The following IL1RAPL1 variants were observed in gnomAD, a reference collection of about 807,000 sequenced individuals.
IL1RAPL1 encodes the protein interleukin 1 receptor accessory protein like 1.
In IL1RAPL1, 3 loss-of-function variants were observed where a neutral mutation model predicts 48.4. That is an observed-to-expected ratio of 0.06 (90% CI 0.03 to 0.16). The LOEUF is 0.16. Among genes scored for constraint, IL1RAPL1 ranks in the 10% least tolerant of loss-of-function variants. The pLI, the probability that IL1RAPL1 is intolerant of heterozygous loss-of-function variation, is 1.00. For synonymous variants in IL1RAPL1, 185 were observed against 187.7 expected (o/e 0.99, Z 0.12); for missense variants, 349 against 530.6 (o/e 0.66, Z 3.36).
Position 29,946,409 on chromosome X carries a change from G to T in IL1RAPL1, c.1201+4615G>T, listed in dbSNP as rs1379690139. Among the ~76,000 whole-genome samples the T allele has an allele frequency of 2.8e-5, 3 of 108,754 alleles. No individual in the cohort carries two copies. In the Admixed American group the frequency reaches 3.0e-4, roughly 11 times the overall value. The allele number at this position is 108,754 out of a possible 115,157, so 94.4% of individuals were successfully genotyped here. On this transcript the variant is annotated intron_variant, in intron 9 of 10. Coordinates refer to ENST00000378993, the MANE Select transcript of IL1RAPL1 (RefSeq NM_014271.4). The stretch of plus-strand genomic sequence containing the variant: ...TAGTCTTTGTAATAACACAGCTATT[G>T]AGAATGAACCTAAGACAATGTAATC...
chrX:29,578,464 T>C (rs1244682067), intron 5 of IL1RAPL1, among the ~76,000 whole-genome samples: 1 of 111,920 alleles, frequency 8.9e-6, no homozygotes, highest in Non-Finnish European at 1.9e-5. Context: ...TTCTACACTT[T>C]TGAACTATTT....
chrX:28,666,888 C>T (rs181825990), intron 1 of IL1RAPL1, among the ~76,000 whole-genome samples: 64 of 111,669 alleles, frequency 5.7e-4, no homozygotes, highest in African/African-American at 2.0e-3. Flanking sequence ...GACTTAATTG[C>T]ACCACGTATT....
chrX:28,768,743 C>T (rs868130676), intron 1 of IL1RAPL1, among the ~76,000 whole-genome samples: 1 of 69,429 alleles, frequency 1.4e-5, no homozygotes, highest in African/African-American at 5.8e-5. Context: ...CTCTCTCTCT[C>T]TCTCTCTCTC....
chrX:28,869,673 G>T (rs1922161435), intron 2 of IL1RAPL1, among the ~76,000 whole-genome samples: 3 of 112,030 alleles, frequency 2.7e-5, no homozygotes, highest in African/African-American at 9.7e-5. Flanking sequence ...ATTTAGTGTA[G>T]ATTTTATTTT....
intron 6 of IL1RAPL1, among the ~76,000 whole-genome samples, chrX:29,856,064 A>C (rs1287104400): frequency 8.9e-6 from 1 of 112,160 alleles, no homozygotes; most frequent in East Asian, 2.8e-4. Context: ...TATACCATGC[A>C]CCATTTCCAT....
At chrX:29,649,962 ACAG>A (rs1478433494) in intron 5 of IL1RAPL1, among the ~76,000 whole-genome samples, 1 of 111,808 alleles carries the variant, frequency 8.9e-6, no homozygotes, top group Admixed American at 9.5e-5. Flanking sequence ...CTATACACTA[ACAG>A]CAAACTATCT....
At chrX:29,505,430 C>T (rs888731526) in intron 5 of IL1RAPL1, among the ~76,000 whole-genome samples, 12 of 111,011 alleles carry the variant, frequency 1.1e-4, no homozygotes, top group Non-Finnish European at 1.1e-4. Flanking sequence ...TTAAACAGAT[C>T]GGGTCATGGT....
intron 5 of IL1RAPL1, among the ~76,000 whole-genome samples, chrX:29,654,767 A>G (rs1925623681): frequency 8.9e-6 from 1 of 112,053 alleles, no homozygotes; most frequent in South Asian, 3.7e-4. Context: ...ATTCATCTAG[A>G]GAAATGCATT....
chrX:29,190,845 A>G (rs921781311), intron 2 of IL1RAPL1, among the ~76,000 whole-genome samples: 2 of 112,424 alleles, frequency 1.8e-5, no homozygotes, highest in African/African-American at 3.2e-5. Flanking sequence ...TAAACTTAAT[A>G]AAATAACATT....
chrX:29,783,213 A>G (rs914302004), intron 6 of IL1RAPL1, among the ~76,000 whole-genome samples: 2 of 111,037 alleles, frequency 1.8e-5, no homozygotes, highest in African/African-American at 6.6e-5. Flanking sequence ...CGATCGTGAC[A>G]TTTTAAAGAG....
intron 5 of IL1RAPL1, among the ~76,000 whole-genome samples, chrX:29,578,302 A>G (rs781328859): frequency 2.1e-4 from 23 of 111,957 alleles, no homozygotes; most frequent in Admixed American, 9.5e-5. Flanking sequence ...GCCCTTCACT[A>G]TGTGAGTTTG....
At chrX:28,611,400 C>T (rs755011237) in intron 1 of IL1RAPL1, among the ~76,000 whole-genome samples, 2 of 111,264 alleles carry the variant, frequency 1.8e-5, no homozygotes, top group South Asian at 3.8e-4. Context: ...ATCTCTTGCC[C>T]GAGGGAGTTT....
intron 2 of IL1RAPL1, among the ~76,000 whole-genome samples, chrX:28,908,159 A>G (rs60245816): frequency 0.017 from 1,854 of 111,353 alleles, 30 homozygotes; most frequent in African/African-American, 0.058. Context: ...CTTTCCAGAG[A>G]ACCAGCTTTT....
intron 2 of IL1RAPL1, among the ~76,000 whole-genome samples, chrX:29,218,917 G>A (rs1930925207): frequency 8.9e-6 from 1 of 112,329 alleles, no homozygotes; most frequent in South Asian, 3.6e-4. Context: ...ATTTGCCACT[G>A]CATCTGCATG....
At chrX:28,624,082 G>T (rs772798146) in intron 1 of IL1RAPL1, among the ~76,000 whole-genome samples, 3 of 111,784 alleles carry the variant, frequency 2.7e-5, no homozygotes, top group Non-Finnish European at 5.6e-5. Context: ...AAATGTGCAC[G>T]TCAGTTGCTT....
chrX:28,936,756 T>A (rs887940398), intron 2 of IL1RAPL1, among the ~76,000 whole-genome samples: 1 of 110,497 alleles, frequency 9.1e-6, no homozygotes, highest in Non-Finnish European at 1.9e-5. Flanking sequence ...CAATAAAAGT[T>A]TTGTGTCACT....
chrX:29,210,662 G>C (rs1349575882), intron 2 of IL1RAPL1, among the ~76,000 whole-genome samples: 1 of 111,620 alleles, frequency 9.0e-6, no homozygotes, highest in Non-Finnish European at 1.9e-5. Context: ...CCCACTCACT[G>C]TGTCATTGGG....
At chrX:29,288,063 A>G (rs977614765) in intron 3 of IL1RAPL1, among the ~76,000 whole-genome samples, 4 of 112,160 alleles carry the variant, frequency 3.6e-5, no homozygotes, top group African/African-American at 1.3e-4. Flanking sequence ...TTTACATTTT[A>G]CATTTAAGTC....
At chrX:28,878,304 G>A (rs954026197) in intron 2 of IL1RAPL1, among the ~76,000 whole-genome samples, 1 of 111,713 alleles carries the variant, frequency 9.0e-6, no homozygotes, top group Non-Finnish European at 1.9e-5. Context: ...GTTTATGGGG[G>A]TAGTGAGCAA....
Sources: gnomAD v4.1 joint callset for allele counts (sites outside exome capture counted in the v4.1 genomes callset) on GRCh38, gnomAD v4.1.1 for gene constraint, MANE v1.5 for transcripts, NCBI Gene and HGNC (gene_info 2026-07-23, HGNC 2026-07-21) for gene names.